The following ARHGEF12 variants were observed in gnomAD, a reference collection of about 807,000 sequenced individuals.
The protein encoded by ARHGEF12 is Rho guanine nucleotide exchange factor 12, also known as KMT2A/ARHGEF12 fusion protein.
In ARHGEF12, 66 loss-of-function variants were observed where a neutral mutation model predicts 211.2. The observed-to-expected ratio is 0.31, with a 90% CI of 0.26 to 0.38. The LOEUF (loss-of-function observed/expected upper bound fraction) is 0.38, where lower values mean the gene tolerates loss of function less well. ARHGEF12 is among the 10% of genes least tolerant of loss of function. The pLI, the probability that ARHGEF12 is intolerant of heterozygous loss-of-function variation, is 1.00. For missense variants in ARHGEF12, 1,429 were observed against 1,869.5 expected (o/e 0.76, Z 4.34); for synonymous variants, 592 against 638.4 (o/e 0.93, Z 1.09).
At chr11:120,469,231 T>C in intron 29 of ARHGEF12, 57 bp from the exon 30 acceptor site, 3 of 1,289,400 alleles carry the variant, frequency 2.3e-6, no homozygotes, top group Non-Finnish European at 3.3e-6. Context: ...CATTTACATA[T>C]ATTTTATGGT....
chr11:120,376,971 C>A (rs923810527), intron 1 of ARHGEF12, among the ~76,000 whole-genome samples: 2 of 152,098 alleles, frequency 1.3e-5, no homozygotes, highest in Non-Finnish European at 2.9e-5. Flanking sequence ...GTGACGGGAT[C>A]TCATTGTTTT....
intron 1 of ARHGEF12, among the ~76,000 whole-genome samples, chr11:120,393,047 ATCC>A (rs1944270958): frequency 6.6e-6 from 1 of 152,198 alleles, no homozygotes; most frequent in African/African-American, 2.4e-5. Context: ...GGTAACTTAT[ATCC>A]TCTGTAGTTC....
intron 15 of ARHGEF12, among the ~76,000 whole-genome samples, chr11:120,442,414 A>T (rs899622429): frequency 3.1e-5 from 4 of 127,736 alleles, no homozygotes; most frequent in Non-Finnish European, 6.7e-5. Context: ...TTAGGGGATT[A>T]TATATATATA....
At chr11:120,419,121 G>A (rs905931089) in intron 4 of ARHGEF12, among the ~76,000 whole-genome samples, 17 of 151,526 alleles carry the variant, frequency 1.1e-4, no homozygotes, top group African/African-American at 2.2e-4. Flanking sequence ...CACCACGTTC[G>A]GCTAATTTTT....
At chr11:120,371,133 G>A (rs1432237504) in intron 1 of ARHGEF12, among the ~76,000 whole-genome samples, 2 of 152,156 alleles carry the variant, frequency 1.3e-5, no homozygotes, top group East Asian at 3.8e-4. Context: ...GCTAAAAAGA[G>A]TTCTTTCTAG....
intron 1 of ARHGEF12, among the ~76,000 whole-genome samples, chr11:120,377,208 C>G (rs1025802064): frequency 7.2e-5 from 11 of 152,164 alleles, no homozygotes; most frequent in Non-Finnish European, 7.3e-5. Flanking sequence ...CCACCACAAC[C>G]AGCATAGTTA....
At position 120,478,180 on chromosome 11, in the gene ARHGEF12, C is replaced by T; in HGVS notation, c.3557C>T (p.Thr1186Ile). Residue 1186 changes from threonine to isoleucine, a missense_variant, in exon 37 of 41, where the codon ACC (threonine) becomes ATC (isoleucine). By Grantham distance (89) the Thr-to-Ile change is moderately conservative (BLOSUM62 -1). This residue lies in a region of ARHGEF12 where 467 missense variants were observed against 468.4 expected (regional missense o/e 1.00). Transcript: ENST00000397843. ...GACAGAGATTTGGGATTAGAATCTACCTTAATATCGTCAAAACCTCAGTCT... is the reference window on the plus strand; with the variant it reads ...GACAGAGATTTGGGATTAGAATCTATCTTAATATCGTCAAAACCTCAGTCT... ...SPDRDLGLES[T>I]LISSKPQSHS... 6.2e-7 allele frequency: 1 copy of T among 1,613,428 alleles called. No individual in the cohort carries two copies. Among genetic ancestry groups the T allele is most frequent in the Non-Finnish European group, 8.5e-7 (1 of 1,179,794 alleles).
chr11:120,458,011 A>G, intron 24 of ARHGEF12, 69 bp from the exon 25 acceptor site: 1 of 1,508,458 alleles, frequency 6.6e-7, no homozygotes, highest in Non-Finnish European at 9.0e-7. Context: ...ATTGTAATAT[A>G]AAGATTTGTG....
At chr11:120,483,461 T>TG (rs1360595802) in intron 39 of ARHGEF12, among the ~76,000 whole-genome samples, 10 of 150,346 alleles carry the variant, frequency 6.7e-5, no homozygotes, top group African/African-American at 2.2e-4. Flanking sequence ...TCTCGGTCTG[T>TG]CACCCAGGCT....
intron 11 of ARHGEF12, among the ~76,000 whole-genome samples, chr11:120,435,845 C>T (rs1398144352): frequency 6.6e-6 from 1 of 151,996 alleles, no homozygotes; most frequent in African/African-American, 2.4e-5. Flanking sequence ...TTTTCACATG[C>T]CATTTATGAT....
chr11:120,475,388 A>G lies in ARHGEF12; in HGVS notation c.3158A>G (p.Gln1053Arg). 1 of 1,614,146 alleles carries G rather than the reference A, an allele frequency of 6.2e-7. No homozygotes were observed. The highest frequency in any genetic ancestry group is 8.5e-7 in the Non-Finnish European group (1 of 1,179,996). Reference protein sequence around the residue: ...LEDILVLLQKQDDRLVLRCHS... With the variant: ...LEDILVLLQKRDDRLVLRCHS... ...GACATTCTTGTATTGTTACAAAAGC[A>G]GGATGATAGACTGGTTTTAAGGTGT... Residue 1053 changes from glutamine (Q) to arginine (R), a missense_variant, in exon 33 of 41, where the codon CAG becomes CGG. Physicochemically the swap from Gln to Arg is conservative, Grantham distance 43 (BLOSUM62 1). This residue lies in a region of ARHGEF12 where 223 missense variants were observed against 444.6 expected (regional missense o/e 0.50). Transcript: ENST00000397843.
At chr11:120,480,568 A>G in intron 38 of ARHGEF12, 138 bp downstream of exon 38, 2 of 865,520 alleles carry the variant, frequency 2.3e-6, no homozygotes, top group African/African-American at 3.4e-5. Flanking sequence ...TTATTCCTTC[A>G]TTTGATAAAT....
At position 120,486,632 on chromosome 11, in the gene ARHGEF12, GT is replaced by G. The variant is rs1947405070; in HGVS notation, c.*1557del. 2 of 224,032 alleles carry G rather than the reference GT, an allele frequency of 8.9e-6. No homozygotes were observed. 13.9% of individuals were successfully genotyped at this position (224,032 alleles called of 1,614,324 possible). ...CTGTTAATAAACAAGGAGTTCATCC[GT>G]TGCTCACATCTTTCATTGGTGCCCT... is the stretch of plus-strand genomic sequence containing the variant. On this transcript the variant is annotated 3_prime_UTR_variant, in exon 41 of 41. Transcript: ENST00000397843.
At chr11:120,391,082 C>T (rs7478880) in intron 1 of ARHGEF12, among the ~76,000 whole-genome samples, 70,562 of 151,970 alleles carry the variant, frequency 0.46, 17,346 homozygotes, top group African/African-American at 0.63. Context: ...AGCACAATTT[C>T]TGACTACCAA....
intron 1 of ARHGEF12, among the ~76,000 whole-genome samples, chr11:120,388,860 T>A (rs112375260): frequency 0.047 from 7,186 of 152,186 alleles, 217 homozygotes; most frequent in African/African-American, 0.06. Flanking sequence ...TTTTATTTTT[T>A]TTTTATTTTA....
intron 1 of ARHGEF12, among the ~76,000 whole-genome samples, chr11:120,379,453 A>G (rs1334826622): frequency 6.6e-6 from 1 of 151,864 alleles, no homozygotes; most frequent in Admixed American, 6.6e-5. Flanking sequence ...GAAAGCAGAC[A>G]TGTAGACATC....
intron 7 of ARHGEF12, among the ~76,000 whole-genome samples, chr11:120,426,694 T>C (rs1196720116): frequency 6.6e-6 from 1 of 152,204 alleles, no homozygotes; most frequent in Non-Finnish European, 1.5e-5. Flanking sequence ...GTGAGTATTA[T>C]ACATAGCAAA....
chr11:120,427,215 G>A (rs1041405564), intron 7 of ARHGEF12, among the ~76,000 whole-genome samples: 5 of 151,826 alleles, frequency 3.3e-5, no homozygotes, highest in Middle Eastern at 3.4e-3. Context: ...CCCGCCCCCC[G>A]CAATATGTCT....
At chr11:120,401,874 A>G (rs1042342822) in intron 1 of ARHGEF12, among the ~76,000 whole-genome samples, 2 of 152,186 alleles carry the variant, frequency 1.3e-5, no homozygotes, top group African/African-American at 4.8e-5. Flanking sequence ...ACTTATTTGA[A>G]TATTTAGTCT....
Sources: gnomAD v4.1 joint callset for allele counts (sites outside exome capture counted in the v4.1 genomes callset) on GRCh38, gnomAD v4.1.1 for gene constraint, gnomAD v4.1.1 regional missense constraint, MANE v1.5 for transcripts, NCBI Gene and HGNC (gene_info 2026-07-23, HGNC 2026-07-21) for gene names.